Variants in FLT1 observed in about 807,000 individuals in gnomAD.
FLT1 encodes the protein vascular endothelial growth factor receptor 1.
In FLT1, 49 loss-of-function variants were observed where a neutral mutation model predicts 156.3. The observed-to-expected ratio is 0.31, with a 90% confidence interval of 0.25 to 0.40. FLT1 has a LOEUF of 0.40. FLT1 is among the 10% of genes least tolerant of loss of function. FLT1 has a pLI of 1.00. For missense variants in FLT1, 1,322 were observed against 1,637.2 expected (o/e 0.81, Z 3.32); for synonymous variants, 594 against 583.8 (o/e 1.02, Z -0.25).
intron 1 of FLT1, among the ~76,000 whole-genome samples, chr13:28,471,593 T>C (rs978607834): frequency 6.6e-6 from 1 of 152,168 alleles, no homozygotes; most frequent in African/African-American, 2.4e-5. Context: ...AGTCATAGCA[T>C]GGGGAAGTCA....
intron 10 of FLT1, among the ~76,000 whole-genome samples, chr13:28,424,150 G>A (rs1278919092): frequency 6.6e-6 from 1 of 151,612 alleles, no homozygotes; most frequent in Non-Finnish European, 1.5e-5. Flanking sequence ...TGTTGCCCAG[G>A]CTGGTCTCAA....
rs1258965171 is a variant in FLT1 at position 28,322,062 on chromosome 13, A to AGGG, written c.3051+199_3051+200insCCC. 5.3e-5 allele frequency among the ~76,000 whole-genome samples: 8 copies of AGGG among 152,240 alleles called. No individual in the cohort carries two copies. Among genetic ancestry groups the AGGG allele is most frequent in the Admixed American group, 5.2e-4 (8 of 15,288 alleles). On this transcript the variant is annotated intron_variant, in intron 22 of 29. Coordinates refer to ENST00000282397, the MANE Select transcript of FLT1 (RefSeq NM_002019.4). This position sits in a 1 kb window ranked among gnomAD's most constrained non-coding sequence, Gnocchi z 4.3. ...AGTCTGAAACCTGTGAGTTTTCCCCAGAATTAAGTTCTATCCACTGGTATC... is the reference window on the plus strand; with the variant it reads ...AGTCTGAAACCTGTGAGTTTTCCCCAGGGGAATTAAGTTCTATCCACTGGTATC...
intron 3 of FLT1, among the ~76,000 whole-genome samples, chr13:28,462,099 C>T (rs528148932): frequency 2.0e-5 from 3 of 152,112 alleles, no homozygotes; most frequent in Non-Finnish European, 2.9e-5. Flanking sequence ...TAGAAGCTTA[C>T]GGCTGGTGAG....
At chr13:28,455,608 G>A (rs1879218031) in intron 3 of FLT1, among the ~76,000 whole-genome samples, 1 of 152,158 alleles carries the variant, frequency 6.6e-6, no homozygotes, top group Non-Finnish European at 1.5e-5. Context: ...CAACACTAAA[G>A]GCATGATCTA....
rs759150886 is a variant in FLT1 at position 28,311,942 on chromosome 13, C to T, written c.3492+51G>A. 4 of 1,280,744 alleles carry T rather than the reference C, an allele frequency of 3.1e-6. No individual in the cohort carries two copies. In the Admixed American group the frequency reaches 5.3e-5, roughly 17 times the overall value. 79.3% of individuals were successfully genotyped at this position (1,280,744 alleles called of 1,614,324 possible). A position where few individuals can be genotyped will look rare whatever the true frequency, so the allele number is the denominator to read the frequency against. On this transcript the variant is annotated intron_variant, in intron 26 of 29. Coordinates refer to ENST00000282397, the MANE Select transcript of FLT1 (RefSeq NM_002019.4). ...CTTAAAAAAAAAACAAATAAAATGC[C>T]CCCCTGACGTACATTCAAAGGCATT...
At position 28,434,232 on chromosome 13, in the gene FLT1, G is replaced by GAGGC. The variant is rs781261461; in HGVS notation, c.514-16_514-13dup. The GAGGC allele has an allele frequency of 6.2e-7, 1 of 1,613,634 alleles. No homozygotes were observed. The highest frequency in any genetic ancestry group is 2.2e-5 in the East Asian group (1 of 44,864). On this transcript the variant is annotated splice_polypyrimidine_tract_variant and intron_variant, in intron 4 of 29. Coordinates refer to ENST00000282397, the MANE Select transcript of FLT1 (RefSeq NM_002019.4). ...GTGTCAAGTGGAAACTGAAAAGGAAGAGGCATGCATTAACAAGGTCCTATT... is the reference window on the plus strand; with the variant it reads ...GTGTCAAGTGGAAACTGAAAAGGAAGAGGCAGGCATGCATTAACAAGGTCCTATT...
chr13:28,403,043 A>G (rs1192127974), intron 11 of FLT1, among the ~76,000 whole-genome samples: 1 of 152,168 alleles, frequency 6.6e-6, no homozygotes, highest in Admixed American at 6.5e-5. Flanking sequence ...TTGGTAGGTG[A>G]TCGGCTTACC....
rs1340275747 is a variant in FLT1 at position 28,334,086 on chromosome 13, T to A, written c.2532A>T (p.Ala844=). The change falls in exon 18 of 30, where the codon GCA becomes GCT. Residue 844 remains alanine, a synonymous_variant. Transcript: ENST00000282397. The part of the protein sequence containing the change: ...GRGAFGKVVQ[A]SAFGIKKSPT... Reference sequence around the variant, plus strand: ...GTGATTTCTTAATGCCAAATGCTGATGCTTGAACCACTTTTCCAAAAGCCC... The same window carrying A: ...GTGATTTCTTAATGCCAAATGCTGAAGCTTGAACCACTTTTCCAAAAGCCC... 6.2e-7 allele frequency: 1 copy of A among 1,614,066 alleles called. No individual in the cohort carries two copies. The highest frequency in any genetic ancestry group is 1.7e-5 in the Admixed American group (1 of 60,030).
chr13:28,303,398 T>C lies in FLT1; in HGVS notation c.3816-30A>G, dbSNP rs1229863034. 4.6e-5 allele frequency: 74 copies of C among 1,602,544 alleles called. No homozygotes were observed. In the Admixed American group the frequency reaches 1.2e-3, roughly 26 times the overall value. On this transcript the variant is annotated intron_variant, in intron 29 of 29. Coordinates refer to ENST00000282397, the MANE Select transcript of FLT1 (RefSeq NM_002019.4). ...AGAAAGAAAGGAAAGAAATCAAATA[T>C]TCAAAATTGGTTTTTTAGAAAACAA...
At chr13:28,494,707 G>A (rs1189958858) in intron 1 of FLT1, 73 bp downstream of exon 1, 1 of 1,220,368 alleles carries the variant, frequency 8.2e-7, no homozygotes, top group Non-Finnish European at 1.2e-6. Flanking sequence ...ACCCCGCCCT[G>A]GCCTCGGAGG....
At chr13:28,470,882 G>A (rs1469297887) in intron 1 of FLT1, among the ~76,000 whole-genome samples, 2 of 152,104 alleles carry the variant, frequency 1.3e-5, no homozygotes, top group Admixed American at 6.5e-5. Flanking sequence ...GTAGAGACGG[G>A]GTTTTGCCAT....
rs1011722055 is a variant in FLT1 at position 28,303,444 on chromosome 13, T to G, written c.3816-76A>C. 5 of 1,276,252 alleles carry G rather than the reference T, an allele frequency of 3.9e-6. No individual in the cohort carries two copies. The East Asian group carries it at 7.5e-5, about 19-fold the overall frequency. The allele number at this position is 1,276,252 out of a possible 1,614,324, so 79.1% of individuals were successfully genotyped here. A position where few individuals can be genotyped will look rare whatever the true frequency, so the allele number is the denominator to read the frequency against. On this transcript the variant is annotated intron_variant, in intron 29 of 29. Transcript: ENST00000282397. ...AACAAAGACACTAAAATCTACTCTT[T>G]CTGAGTGGGTCATTTGTTCATACCT...
Position 28,303,950 on chromosome 13 carries a change from G to T in FLT1, c.3816-582C>A, listed in dbSNP as rs531049086. 7.2e-5 allele frequency among the ~76,000 whole-genome samples: 11 copies of T among 152,262 alleles called. No individual in the cohort carries two copies. In the South Asian group the frequency reaches 2.3e-3, roughly 32 times the overall value. Reference sequence around the variant, plus strand: ...CACGGTGCTGCTTATCACCAGCAAGGCTCAAGGGTGGAGAAACTTGCTTCT... The same window carrying T: ...CACGGTGCTGCTTATCACCAGCAAGTCTCAAGGGTGGAGAAACTTGCTTCT... On this transcript the variant is annotated intron_variant, in intron 29 of 29. Transcript: ENST00000282397.
chr13:28,357,868 CTTTTTT>C (rs57304530), intron 14 of FLT1, among the ~76,000 whole-genome samples, 183 bp from the exon 15 acceptor site: 5 of 104,732 alleles, frequency 4.8e-5, no homozygotes, highest in East Asian at 2.6e-4. Context: ...CTTTTCTTTC[CTTTTTT>C]TTTTTTTTTT....
intron 3 of FLT1, among the ~76,000 whole-genome samples, chr13:28,440,993 A>G (rs974691935): frequency 1.3e-5 from 2 of 152,262 alleles, no homozygotes; most frequent in South Asian, 4.1e-4. Flanking sequence ...TCTTTCTAAA[A>G]TAATAATTAG....
At chr13:28,378,050 CT>C (rs869039457) in intron 14 of FLT1, among the ~76,000 whole-genome samples, 1,670 of 136,022 alleles carry the variant, frequency 0.012, 9 homozygotes, top group African/African-American at 0.031. Context: ...GAGACTTAAT[CT>C]TTTTTTTTTT....
At chr13:28,371,343 TAAAC>T (rs1366968007) in intron 14 of FLT1, among the ~76,000 whole-genome samples, 1 of 152,226 alleles carries the variant, frequency 6.6e-6, no homozygotes, top group Non-Finnish European at 1.5e-5. Flanking sequence ...ATTCCATAAA[TAAAC>T]AATTTATAAG....
chr13:28,394,074 AC>A (rs1874895656), intron 12 of FLT1, among the ~76,000 whole-genome samples: 1 of 152,222 alleles, frequency 6.6e-6, no homozygotes, highest in South Asian at 2.1e-4. Context: ...ATGAGGTACA[AC>A]ATTCATGAGT....
chr13:28,396,534 T>C (rs1341488206), intron 12 of FLT1, among the ~76,000 whole-genome samples: 1 of 152,170 alleles, frequency 6.6e-6, no homozygotes, highest in Non-Finnish European at 1.5e-5. Context: ...CCAAAAAGTC[T>C]AAATTACCTA....
Sources: allele counts gnomAD v4.1 joint callset (sites outside exome capture counted in the v4.1 genomes callset), GRCh38; gene constraint gnomAD v4.1.1; non-coding constraint Gnocchi (gnomAD v3.1); transcripts MANE v1.5; gene names NCBI Gene and HGNC (gene_info 2026-07-23, HGNC 2026-07-21).